The following WDR27 variants were observed in gnomAD, a reference collection of about 807,000 sequenced individuals.
The protein encoded by WDR27 is WD repeat-containing protein 27.
Under a neutral mutation model 114.4 loss-of-function variants are expected in WDR27, and 100 were observed. The observed-to-expected ratio is 0.87, with a 90% confidence interval of 0.74 to 1.03. WDR27 has a LOEUF of 1.03. Ranked by LOEUF, WDR27 falls within the 50% of genes least tolerant of loss-of-function variation. WDR27 has a pLI of 0.00. For synonymous variants in WDR27, 449 were observed against 423.1 expected (o/e 1.06, Z -0.75); for missense variants, 1,129 against 1,092.9 (o/e 1.03, Z -0.47).
the WDR27 span, among the ~76,000 whole-genome samples, chr6:169,427,555 G>T: frequency 3.9e-5 from 6 of 152,154 alleles, no homozygotes; most frequent in Non-Finnish European, 7.3e-5. Context: ...GTGTGCAGAG[G>T]ACTTGGGTGA....
intron 24 of WDR27, among the ~76,000 whole-genome samples, chr6:169,573,956 T>G (rs778779312): frequency 7.9e-5 from 12 of 152,260 alleles, no homozygotes; most frequent in Non-Finnish European, 1.8e-4. Flanking sequence ...CCAGGATAAT[T>G]TAACTATGGA....
At chr6:169,662,706 C>T (rs1444067066) in intron 8 of WDR27, among the ~76,000 whole-genome samples, 1 of 141,486 alleles carries the variant, frequency 7.1e-6, no homozygotes, top group Non-Finnish European at 1.5e-5. Context: ...TAGGGTAACA[C>T]CCAGCATGAC....
intron 25 of WDR27, among the ~76,000 whole-genome samples, chr6:169,464,562 G>A (rs1469490973): frequency 6.6e-6 from 1 of 152,120 alleles, no homozygotes; most frequent in Non-Finnish European, 1.5e-5. Context: ...TGCATAAAAA[G>A]GTACTATTAA....
the WDR27 span, among the ~76,000 whole-genome samples, chr6:169,447,387 TC>T: frequency 6.6e-6 from 1 of 152,224 alleles, no homozygotes; most frequent in Admixed American, 6.5e-5. Context: ...TGATAAAACT[TC>T]CTGGGGTCAT....
chr6:169,494,752 G>A (rs1790186690), intron 25 of WDR27, among the ~76,000 whole-genome samples: 1 of 152,124 alleles, frequency 6.6e-6, no homozygotes, highest in South Asian at 2.1e-4. Flanking sequence ...CATCAGATTG[G>A]AAAACTGGCA....
intron 2 of WDR27, among the ~76,000 whole-genome samples, chr6:169,672,726 G>C (rs1219828078): frequency 2.0e-5 from 3 of 152,158 alleles, no homozygotes; most frequent in Admixed American, 6.5e-5. Flanking sequence ...GAAAACTGAA[G>C]AATAAGGAGA....
intron 25 of WDR27, among the ~76,000 whole-genome samples, chr6:169,546,075 T>C (rs1797425075): frequency 6.6e-6 from 1 of 152,006 alleles, no homozygotes; most frequent in African/African-American, 2.4e-5. Context: ...CAATGCAGTA[T>C]CTATCAGACA....
intron 2 of WDR27, among the ~76,000 whole-genome samples, chr6:169,679,060 G>T (rs1024390997): frequency 6.6e-6 from 1 of 150,414 alleles, no homozygotes; most frequent in African/African-American, 2.5e-5. Context: ...CAGATCTTTA[G>T]ATAAACTCAA....
chr6:169,507,574 G>T (rs377766686), intron 25 of WDR27, among the ~76,000 whole-genome samples: 1 of 152,144 alleles, frequency 6.6e-6, no homozygotes, highest in South Asian at 2.1e-4. Context: ...GAAATTCTAC[G>T]CTTCTTGTCT....
At chr6:169,439,297 T>C in the WDR27 span, among the ~76,000 whole-genome samples, 2 of 152,228 alleles carry the variant, frequency 1.3e-5, no homozygotes, top group African/African-American at 4.8e-5. Flanking sequence ...TGATTTTGGT[T>C]GTTATCTTAA....
At chr6:169,468,723 T>C (rs1284701355) in intron 25 of WDR27, among the ~76,000 whole-genome samples, 1 of 152,124 alleles carries the variant, frequency 6.6e-6, no homozygotes, top group Non-Finnish European at 1.5e-5. Flanking sequence ...ATTAACAAGC[T>C]CTTTTGCCAG....
intron 1 of WDR27, among the ~76,000 whole-genome samples, chr6:169,699,130 T>C (rs1410891080): frequency 1.3e-5 from 2 of 152,178 alleles, no homozygotes; most frequent in Non-Finnish European, 1.5e-5. Flanking sequence ...CAGGAAATTA[T>C]TGCAAAGAAT....
intron 1 of WDR27, among the ~76,000 whole-genome samples, chr6:169,700,116 C>G (rs978581384): frequency 6.6e-6 from 1 of 152,202 alleles, no homozygotes; most frequent in African/African-American, 2.4e-5. Context: ...ATGTGTCTCC[C>G]TTTTCCAAAA....
At chr6:169,469,557 CAAG>C (rs1333015529) in intron 25 of WDR27, among the ~76,000 whole-genome samples, 1 of 152,232 alleles carries the variant, frequency 6.6e-6, no homozygotes, top group Non-Finnish European at 1.5e-5. Context: ...TAAAGCCAGA[CAAG>C]CTGTACCCTG....
Position 169,647,825 on chromosome 6 carries a change from G to A in WDR27, c.1605C>T (p.Pro535=). The change falls in exon 16 of 26, where the codon CCC becomes CCT. Residue 535 remains proline, a synonymous_variant. Coordinates refer to ENST00000448612, the MANE Select transcript of WDR27 (RefSeq NM_182552.5). The part of the protein sequence containing the change: ...VECAVPTKPG[P]QVAAAPTCTR... ...TGCAGGTGGGGGCGGCAGCGACCTG[G>A]GGGCCGGGCTTGGTGGGCACAGCGC... The A allele has an allele frequency of 6.3e-7, 1 of 1,584,572 alleles. No individual in the cohort carries two copies. Among genetic ancestry groups the A allele is most frequent in the Non-Finnish European group, 8.6e-7 (1 of 1,166,384 alleles).
At chr6:169,493,670 A>T (rs1263210372) in intron 25 of WDR27, among the ~76,000 whole-genome samples, 1 of 152,206 alleles carries the variant, frequency 6.6e-6, no homozygotes, top group Non-Finnish European at 1.5e-5. Context: ...TAAAGGTATT[A>T]CATATTTGGC....
chr6:169,507,425 C>A (rs1333525822), intron 25 of WDR27, among the ~76,000 whole-genome samples: 1 of 152,154 alleles, frequency 6.6e-6, no homozygotes, highest in African/African-American at 2.4e-5. Context: ...GTGTAACTAC[C>A]CATGACACTA....
intron 1 of WDR27, among the ~76,000 whole-genome samples, chr6:169,698,507 T>A (rs548725787): frequency 1.3e-5 from 2 of 152,226 alleles, no homozygotes; most frequent in African/African-American, 4.8e-5. Flanking sequence ...AGAGGTCAGA[T>A]GGCCCCTAAA....
intron 25 of WDR27, among the ~76,000 whole-genome samples, chr6:169,530,501 C>A (rs373206184): frequency 2.6e-5 from 4 of 152,344 alleles, no homozygotes; most frequent in Non-Finnish European, 5.9e-5. Context: ...CCCACCTCTG[C>A]TCCTCAGTAT....
Sources: gnomAD v4.1 joint callset for allele counts (sites outside exome capture counted in the v4.1 genomes callset) on GRCh38, gnomAD v4.1.1 for gene constraint, MANE v1.5 for transcripts, NCBI Gene and HGNC (gene_info 2026-07-23, HGNC 2026-07-21) for gene names.